ZNF385D: variants seen among roughly 807,000 people sequenced by gnomAD.
ZNF385D encodes zinc finger protein 385D.
Under a neutral mutation model 35.8 loss-of-function variants are expected in ZNF385D, and 15 were observed. The ratio of observed to expected loss-of-function variants is 0.42; its 90% CI spans 0.28 to 0.64. The LOEUF (loss-of-function observed/expected upper bound fraction) is 0.64, where lower values mean the gene tolerates loss of function less well. Among genes scored for constraint, ZNF385D ranks in the 30% least tolerant of loss-of-function variants. The pLI is 0.23. For synonymous variants in ZNF385D, 212 were observed against 186.8 expected, an observed-to-expected ratio of 1.13 and a Z score of -1.10; for missense variants, 474 against 494.6, an observed-to-expected ratio of 0.96 and a Z score of 0.39.
intron 1 of ZNF385D, among the ~76,000 whole-genome samples, chr3:21,667,244 C>T (rs1347984026): frequency 6.6e-6 from 1 of 152,166 alleles, no homozygotes; most frequent in African/African-American, 2.4e-5. Flanking sequence ...TCACTGTAGC[C>T]TCAACCTCCC....
chr3:22,159,910 G>C (rs1705837334), intron 3 of ZNF385D, among the ~76,000 whole-genome samples: 1 of 152,030 alleles, frequency 6.6e-6, no homozygotes, highest in Non-Finnish European at 1.5e-5. Context: ...ATCATATGCT[G>C]ATATGGTTTG....
At chr3:22,337,708 C>T (rs114440388) in intron 2 of ZNF385D, among the ~76,000 whole-genome samples, 2,240 of 152,222 alleles carry the variant, frequency 0.015, 44 homozygotes, top group East Asian at 0.052. Flanking sequence ...TAATTAAAAG[C>T]TTCAATATTC....
At chr3:21,962,429 T>A (rs1354007859) in intron 3 of ZNF385D, among the ~76,000 whole-genome samples, 2 of 152,212 alleles carry the variant, frequency 1.3e-5, no homozygotes, top group East Asian at 3.9e-4. Flanking sequence ...TTTGGAAATG[T>A]TAACCTTGAG....
intron 3 of ZNF385D, among the ~76,000 whole-genome samples, chr3:21,963,693 T>C (rs368397816): frequency 6.6e-6 from 1 of 152,212 alleles, no homozygotes; most frequent in Admixed American, 6.5e-5. Context: ...ATTACAGACC[T>C]CTTTATATTA....
At chr3:22,216,810 T>G (rs999675355) in intron 2 of ZNF385D, among the ~76,000 whole-genome samples, 2 of 152,088 alleles carry the variant, frequency 1.3e-5, no homozygotes, top group Non-Finnish European at 2.9e-5. Flanking sequence ...GAAAAATTAT[T>G]GGCAGTGATG....
chr3:21,932,041 C>A (rs1701034331), intron 3 of ZNF385D, among the ~76,000 whole-genome samples: 1 of 151,704 alleles, frequency 6.6e-6, no homozygotes, highest in African/African-American at 2.4e-5. Flanking sequence ...GTGGCGGGCA[C>A]CTGTGGTCCC....
chr3:22,204,979 C>CAAAAAAA (rs761954306), intron 2 of ZNF385D, among the ~76,000 whole-genome samples: 11 of 92,946 alleles, frequency 1.2e-4, no homozygotes, highest in Non-Finnish European at 1.5e-4. Flanking sequence ...TGACCAAATC[C>CAAAAAAA]AAAAAAAAAA....
intron 4 of ZNF385D, among the ~76,000 whole-genome samples, chr3:21,482,464 G>A (rs1311784402): frequency 6.6e-6 from 1 of 152,168 alleles, no homozygotes; most frequent in African/African-American, 2.4e-5. Flanking sequence ...AGGTTTAGAG[G>A]CAACCATTCC....
chr3:22,211,248 C>G (rs775694464), intron 2 of ZNF385D, among the ~76,000 whole-genome samples: 1 of 151,822 alleles, frequency 6.6e-6, no homozygotes, highest in Non-Finnish European at 1.5e-5. Flanking sequence ...CTTAATAAAG[C>G]AGTTGATGAA....
chr3:22,203,964 A>G (rs1028539760), intron 2 of ZNF385D, among the ~76,000 whole-genome samples: 2 of 152,092 alleles, frequency 1.3e-5, no homozygotes, highest in African/African-American at 4.8e-5. Flanking sequence ...CCTGCTGATT[A>G]TGGAGCCTTA....
chr3:22,185,725 C>G (rs965933243), intron 2 of ZNF385D, among the ~76,000 whole-genome samples: 27 of 152,306 alleles, frequency 1.8e-4, no homozygotes, highest in African/African-American at 6.3e-4. Context: ...CTTGGCCTTC[C>G]AAAGTGCTGG....
Position 21,437,274 on chromosome 3 carries a change from C to T in ZNF385D, c.440-71G>A. 3 of 1,393,154 alleles carry T rather than the reference C, an allele frequency of 2.2e-6. No homozygotes were observed. In the South Asian group the frequency reaches 4.0e-5, roughly 19 times the overall value. 86.3% of individuals were successfully genotyped at this position (1,393,154 alleles called of 1,614,324 possible). ...TATCTTTCCCTATTCAGGAATGTATCATGAATATTGCATTCTGCTTATAAT... is the reference window on the plus strand; with the variant it reads ...TATCTTTCCCTATTCAGGAATGTATTATGAATATTGCATTCTGCTTATAAT... On this transcript the variant is annotated intron_variant, in intron 4 of 7. Transcript: ENST00000281523.
At chr3:22,337,490 C>T (rs185588370) in intron 2 of ZNF385D, among the ~76,000 whole-genome samples, 35 of 152,074 alleles carry the variant, frequency 2.3e-4, no homozygotes, top group Admixed American at 4.6e-4. Context: ...CCCGAGATTG[C>T]GCCACTGCAC....
rs1277593600 is a variant in ZNF385D at position 22,177,995 on chromosome 3, T to C, written c.107-8960A>G. Among the ~76,000 whole-genome samples the C allele has an allele frequency of 2.0e-5, 3 of 152,358 alleles. No homozygotes were observed. In the East Asian group the frequency reaches 5.8e-4, roughly 29 times the overall value. ...AATCCAGTCTATCATTGTTGGACAT[T>C]TGGGTTGGTTCCAAGTCTTTGCTAT... is the stretch of plus-strand genomic sequence containing the variant. On this transcript the variant is annotated intron_variant, in intron 2 of 5. Coordinates refer to the ZNF385D transcript ENST00000494108.
At chr3:21,934,284 G>C (rs1269893597) in intron 3 of ZNF385D, among the ~76,000 whole-genome samples, 3 of 152,108 alleles carry the variant, frequency 2.0e-5, no homozygotes, top group African/African-American at 7.2e-5. Context: ...GTGAAGAAGA[G>C]CCTACAAAAT....
intron 2 of ZNF385D, among the ~76,000 whole-genome samples, chr3:22,314,436 A>T (rs968101186): frequency 6.6e-6 from 1 of 152,188 alleles, no homozygotes; most frequent in South Asian, 2.1e-4. Flanking sequence ...TCCAGATTGC[A>T]GTGAATGCCA....
At chr3:21,515,804 T>C (rs1432102394) in intron 3 of ZNF385D, among the ~76,000 whole-genome samples, 1 of 152,206 alleles carries the variant, frequency 6.6e-6, no homozygotes, top group Non-Finnish European at 1.5e-5. Flanking sequence ...GCCACAAGAT[T>C]AGGATTATGG....
At chr3:21,572,621 T>C (rs2063368181) in intron 2 of ZNF385D, among the ~76,000 whole-genome samples, 1 of 152,158 alleles carries the variant, frequency 6.6e-6, no homozygotes. Context: ...TTCATTTCTG[T>C]TAAGAGTGTT....
chr3:21,823,048 T>C (rs1559659651), intron 3 of ZNF385D, among the ~76,000 whole-genome samples: 1 of 152,150 alleles, frequency 6.6e-6, no homozygotes, highest in Non-Finnish European at 1.5e-5. Context: ...ATCATAATTT[T>C]CTATTTGTTA....
Sources: gnomAD v4.1 joint callset for allele counts (sites outside exome capture counted in the v4.1 genomes callset) on GRCh38, gnomAD v4.1.1 for gene constraint, MANE v1.5 for transcripts, NCBI Gene and HGNC (gene_info 2026-07-23, HGNC 2026-07-21) for gene names.